Variants in LUZP2 observed in about 807,000 individuals in gnomAD.
The protein encoded by LUZP2 is leucine zipper protein 2.
LUZP2 carries 52 observed loss-of-function variants against 51.6 expected under a neutral mutation model. The observed-to-expected ratio is 1.01, with a 90% CI of 0.81 to 1.27. The LOEUF (loss-of-function observed/expected upper bound fraction) is 1.27, where lower values mean the gene tolerates loss of function less well. Ranked by LOEUF, LUZP2 falls within the 50% of genes most tolerant of loss-of-function variation. LUZP2 has a pLI of 0.00. For missense variants in LUZP2, 436 were observed against 395.4 expected (o/e 1.10, Z -0.87); for synonymous variants, 154 against 137.3 (o/e 1.12, Z -0.85).
intron 1 of LUZP2, among the ~76,000 whole-genome samples, chr11:24,626,517 T>C (rs1043257238): frequency 3.9e-5 from 6 of 152,170 alleles, no homozygotes; most frequent in Admixed American, 3.9e-4. Flanking sequence ...TTTCTGCTGG[T>C]TGACTTTCAT....
intron 7 of LUZP2, among the ~76,000 whole-genome samples, chr11:24,928,954 T>C (rs1285232726): frequency 6.6e-6 from 1 of 152,048 alleles, no homozygotes; most frequent in African/African-American, 2.4e-5. Context: ...CAGTTTAATC[T>C]CAGAAGGTTG....
intron 5 of LUZP2, among the ~76,000 whole-genome samples, chr11:24,827,551 A>C (rs1431865325): frequency 6.6e-6 from 1 of 152,130 alleles, no homozygotes; most frequent in Non-Finnish European, 1.5e-5. Context: ...GTACATTCAA[A>C]GGTCTTGAAA....
At chr11:24,809,967 G>T (rs1002393486) in intron 5 of LUZP2, among the ~76,000 whole-genome samples, 4 of 152,104 alleles carry the variant, frequency 2.6e-5, no homozygotes, top group African/African-American at 7.2e-5. Context: ...TCATAATGCT[G>T]CAAAAGCATA....
At chr11:24,539,569 A>G (rs1037003089) in intron 1 of LUZP2, among the ~76,000 whole-genome samples, 5 of 152,032 alleles carry the variant, frequency 3.3e-5, no homozygotes, top group Non-Finnish European at 5.9e-5. Context: ...GATTTTGATG[A>G]AAATATGCCA....
At position 24,497,255 on chromosome 11, in the gene LUZP2, C is replaced by A; in HGVS notation, c.12C>A (p.Ser4Arg). 1 of 1,562,954 alleles carries A rather than the reference C, an allele frequency of 6.4e-7. No homozygotes were observed. ...CGGCAGGCAGCAGCATGAAATTCAG[C>A]CCAGCGCACTACCTGCTGCCTCTCC... MKF[S>R]PAHYLLPLLP... The change falls in exon 1 of 12, where the codon AGC becomes AGA. Residue 4 changes from serine (S) to arginine (R), a missense_variant. By Grantham distance (110) the Ser-to-Arg change is moderately radical. Coordinates refer to ENST00000336930, the MANE Select transcript of LUZP2 (RefSeq NM_001009909.4).
intron 9 of LUZP2, among the ~76,000 whole-genome samples, chr11:25,039,031 T>C (rs1857953227): frequency 6.6e-6 from 1 of 152,190 alleles, no homozygotes; most frequent in Non-Finnish European, 1.5e-5. Flanking sequence ...CACAGCTGTT[T>C]TCTGTGGTGT....
intron 1 of LUZP2, among the ~76,000 whole-genome samples, chr11:24,587,865 G>A (rs1190497822): frequency 6.6e-6 from 1 of 151,998 alleles, no homozygotes; most frequent in African/African-American, 2.4e-5. Context: ...ATACAGATGT[G>A]TCAGAGGGGG....
At chr11:25,000,698 A>T (rs192388702) in intron 9 of LUZP2, among the ~76,000 whole-genome samples, 134 of 152,230 alleles carry the variant, frequency 8.8e-4, no homozygotes, top group African/African-American at 3.1e-3. Flanking sequence ...TTTCCTGTAA[A>T]CACCGGGTGG....
intron 7 of LUZP2, among the ~76,000 whole-genome samples, chr11:24,954,634 A>G (rs185775005): frequency 6.6e-6 from 1 of 152,146 alleles, no homozygotes; most frequent in African/African-American, 2.4e-5. Flanking sequence ...AGCCTCCACC[A>G]TGCTGCTGCA....
At chr11:24,781,586 G>T (rs867467580) in intron 5 of LUZP2, among the ~76,000 whole-genome samples, 2 of 36,724 alleles carry the variant, frequency 5.4e-5, no homozygotes, top group Non-Finnish European at 1.1e-4. Flanking sequence ...ATAGCCACAG[G>T]TACTTTCATT....
intron 9 of LUZP2, among the ~76,000 whole-genome samples, chr11:25,013,879 C>G (rs1565228098): frequency 6.6e-6 from 1 of 152,030 alleles, no homozygotes; most frequent in South Asian, 2.1e-4. Flanking sequence ...AGGTATATCT[C>G]CTAATGCTAT....
In LUZP2 at chr11:24,773,320, C is replaced by G. The variant is rs541607135; in HGVS notation, c.396+10012C>G. Among the ~76,000 whole-genome samples, 8 of 152,080 alleles carry G rather than the reference C, an allele frequency of 5.3e-5. No individual in the cohort carries two copies. In the East Asian group the frequency reaches 1.5e-3, roughly 29 times the overall value. ...CGCTAACCATGAGAAATGTAAAGAA[C>G]ATTTAATACTGTTACCGAGAAGTAC... On this transcript the variant is annotated intron_variant, in intron 5 of 11. Transcript: ENST00000336930.
At chr11:25,003,954 ACAGGCTGTCC>A (rs1856764216) in intron 9 of LUZP2, among the ~76,000 whole-genome samples, 1 of 152,206 alleles carries the variant, frequency 6.6e-6, no homozygotes, top group Non-Finnish European at 1.5e-5. Context: ...ATACCTGTTT[ACAGGCTGTCC>A]CAGGATTCCT....
intron 7 of LUZP2, among the ~76,000 whole-genome samples, chr11:24,974,855 A>G (rs769027514): frequency 1.2e-4 from 18 of 152,066 alleles, no homozygotes; most frequent in Admixed American, 8.5e-4. Flanking sequence ...GGAAAGAAAG[A>G]TTGAGAAGGA....
chr11:24,914,551 T>C lies in LUZP2; in HGVS notation c.522+13T>C. On this transcript the variant is annotated intron_variant, in intron 7 of 11. Transcript: ENST00000336930. ...TTTATTATTTAAGGTGAGTCTCTTT[T>C]CTCTCTTTTCCCTGAAACTTGCTAG... 1 of 1,574,342 alleles carries C rather than the reference T, an allele frequency of 6.4e-7. No homozygotes were observed. The highest frequency in any genetic ancestry group is 1.2e-5 in the South Asian group (1 of 85,912).
At chr11:24,729,326 C>G in intron 2 of LUZP2, 40 bp downstream of exon 2, 1 of 1,092,744 alleles carries the variant, frequency 9.2e-7, no homozygotes, top group East Asian at 2.6e-5. Context: ...AAAAGAGGAG[C>G]AGTCATCTGA....
intron 1 of LUZP2, among the ~76,000 whole-genome samples, chr11:24,689,052 A>G (rs1202264047): frequency 6.6e-6 from 1 of 152,122 alleles, no homozygotes; most frequent in Non-Finnish European, 1.5e-5. Flanking sequence ...GCAGAGGGAG[A>G]GACCGAGGCA....
intron 5 of LUZP2, among the ~76,000 whole-genome samples, chr11:24,766,172 A>T (rs923397272): frequency 6.6e-6 from 1 of 152,048 alleles, no homozygotes; most frequent in South Asian, 2.1e-4. Context: ...CAAAAGCTCT[A>T]TTGTGATTGA....
intron 5 of LUZP2, among the ~76,000 whole-genome samples, chr11:24,894,153 C>T (rs10834534): frequency 0.55 from 82,176 of 149,968 alleles, 22,750 homozygotes; most frequent in East Asian, 0.78. Context: ...ATATTTTTAA[C>T]GAATCTTTTC....
Sources: allele counts gnomAD v4.1 joint callset (sites outside exome capture counted in the v4.1 genomes callset), GRCh38; gene constraint gnomAD v4.1.1; transcripts MANE v1.5; gene names NCBI Gene and HGNC (gene_info 2026-07-23, HGNC 2026-07-21).